SPIDR: variants seen among roughly 807,000 people sequenced by gnomAD.
SPIDR encodes the protein scaffold protein involved in DNA repair.
SPIDR carries 93 observed loss-of-function variants against 104.6 expected under a neutral mutation model. The ratio of observed to expected loss-of-function variants is 0.89; its 90% CI spans 0.75 to 1.06. The LOEUF (loss-of-function observed/expected upper bound fraction) is 1.06, where lower values mean the gene tolerates loss of function less well. SPIDR is among the 50% of genes least tolerant of loss of function. The pLI is 0.00. For missense variants in SPIDR, 1,154 were observed against 1,111.2 expected (o/e 1.04, Z -0.55); for synonymous variants, 431 against 416.9 (o/e 1.03, Z -0.41).
chr8:47,329,875 C>T (rs1468827638), intron 5 of SPIDR, among the ~76,000 whole-genome samples: 3 of 152,170 alleles, frequency 2.0e-5, no homozygotes, highest in African/African-American at 7.2e-5. Flanking sequence ...ACCCACCACT[C>T]TTCTGTTACT....
chr8:47,481,357 C>G (rs1471238699), intron 8 of SPIDR, among the ~76,000 whole-genome samples: 1 of 152,166 alleles, frequency 6.6e-6, no homozygotes, highest in African/African-American at 2.4e-5. Flanking sequence ...TGATGGTTGG[C>G]CAGATGCGTT....
At chr8:47,588,743 T>C (rs1348582341) in intron 8 of SPIDR, among the ~76,000 whole-genome samples, 1 of 152,230 alleles carries the variant, frequency 6.6e-6, no homozygotes, top group Non-Finnish European at 1.5e-5. Context: ...GGAAGTTCTC[T>C]TTCTGATTTC....
chr8:47,681,359 A>G (rs2077076945), intron 11 of SPIDR, among the ~76,000 whole-genome samples: 1 of 152,098 alleles, frequency 6.6e-6, no homozygotes, highest in Admixed American at 6.6e-5. Flanking sequence ...AATGCATTCT[A>G]AGCATCCGGA....
chr8:47,322,831 C>G (rs1554597268), intron 5 of SPIDR, among the ~76,000 whole-genome samples: 1 of 151,886 alleles, frequency 6.6e-6, no homozygotes, highest in East Asian at 1.9e-4. Context: ...AGCAAACTAT[C>G]AGAAGGACAA....
chr8:47,266,826 G>T (rs2034167299), intron 1 of SPIDR, among the ~76,000 whole-genome samples: 1 of 152,122 alleles, frequency 6.6e-6, no homozygotes, highest in Non-Finnish European at 1.5e-5. Flanking sequence ...TTGTACAAAT[G>T]TTCCTAATTG....
intron 7 of SPIDR, among the ~76,000 whole-genome samples, chr8:47,420,168 C>T (rs1370172896): frequency 2.0e-5 from 3 of 152,102 alleles, no homozygotes; most frequent in Non-Finnish European, 4.4e-5. Context: ...CCTGGGTATC[C>T]TTGTTAACTT....
intron 7 of SPIDR, among the ~76,000 whole-genome samples, chr8:47,418,132 T>C (rs2064710714): frequency 6.6e-6 from 1 of 152,222 alleles, no homozygotes; most frequent in Non-Finnish European, 1.5e-5. Context: ...ATATGAACTT[T>C]AAAGTATTTT....
chr8:47,707,005 C>A (rs1000245724), intron 14 of SPIDR, among the ~76,000 whole-genome samples: 4 of 152,048 alleles, frequency 2.6e-5, no homozygotes, highest in Non-Finnish European at 5.9e-5. Context: ...GTAATACCAG[C>A]ACTTTGGGAG....
chr8:47,471,042 C>A (rs118172525), intron 8 of SPIDR, among the ~76,000 whole-genome samples: 3,898 of 152,204 alleles, frequency 0.026, 61 homozygotes, highest in Middle Eastern at 0.041. Flanking sequence ...CCGACTGAAA[C>A]TCTTAAGAGC....
At chr8:47,576,543 C>T (rs532812697) in intron 8 of SPIDR, among the ~76,000 whole-genome samples, 2 of 152,262 alleles carry the variant, frequency 1.3e-5, no homozygotes, top group Non-Finnish European at 2.9e-5. Flanking sequence ...AAACTATCCT[C>T]GTGCTTCAGC....
chr8:47,579,912 G>A (rs1159140699), intron 8 of SPIDR, among the ~76,000 whole-genome samples: 3 of 152,172 alleles, frequency 2.0e-5, no homozygotes, highest in Non-Finnish European at 4.4e-5. Flanking sequence ...AGATGGTCTG[G>A]TATCTTGGAA....
intron 4 of SPIDR, 43 bp downstream of exon 4, chr8:47,291,180 A>G (rs2154237861): frequency 7.4e-7 from 1 of 1,355,046 alleles, no homozygotes; most frequent in South Asian, 1.3e-5. Context: ...TGTAACAGGA[A>G]CATATTGTGT....
chr8:47,716,024 G>A (rs1046225385), intron 16 of SPIDR, among the ~76,000 whole-genome samples: 7 of 149,856 alleles, frequency 4.7e-5, no homozygotes, highest in Non-Finnish European at 8.9e-5. Context: ...GAGTGCAATG[G>A]CATGATCTCA....
At chr8:47,430,874 A>G (rs1480230488) in intron 7 of SPIDR, among the ~76,000 whole-genome samples, 6 of 152,220 alleles carry the variant, frequency 3.9e-5, no homozygotes, top group African/African-American at 9.6e-5. Flanking sequence ...CTATAGTTGT[A>G]TGAAATAAGG....
At chr8:47,352,258 A>G (rs1390084473) in intron 5 of SPIDR, among the ~76,000 whole-genome samples, 1 of 149,432 alleles carries the variant, frequency 6.7e-6, no homozygotes, top group African/African-American at 2.4e-5. Flanking sequence ...GCCTGGTGAC[A>G]GAGCCAGACT....
intron 5 of SPIDR, among the ~76,000 whole-genome samples, chr8:47,302,383 G>A (rs1421480749): frequency 2.0e-5 from 3 of 152,128 alleles, no homozygotes; most frequent in Middle Eastern, 3.4e-3. Flanking sequence ...CTTTGCCATG[G>A]GTTCGAAGTT....
intron 5 of SPIDR, among the ~76,000 whole-genome samples, chr8:47,323,835 C>T (rs564342923): frequency 4.2e-4 from 64 of 152,198 alleles, no homozygotes; most frequent in African/African-American, 1.5e-3. Context: ...ACTACAGAAC[C>T]CATGGACACC....
chr8:47,354,517 T>C (rs1554624464), intron 5 of SPIDR, among the ~76,000 whole-genome samples: 1 of 152,198 alleles, frequency 6.6e-6, no homozygotes. Flanking sequence ...TGAACAAACA[T>C]ATTCTGCCTT....
intron 11 of SPIDR, among the ~76,000 whole-genome samples, chr8:47,684,885 C>T (rs559654566): frequency 5.9e-5 from 9 of 152,292 alleles, no homozygotes; most frequent in Middle Eastern, 3.4e-3. Flanking sequence ...GAAATTAAGC[C>T]AGTGGGATTT....
Sources: allele counts gnomAD v4.1 joint callset (sites outside exome capture counted in the v4.1 genomes callset), GRCh38; gene constraint gnomAD v4.1.1; transcripts MANE v1.5; gene names NCBI Gene and HGNC (gene_info 2026-07-23, HGNC 2026-07-21).